CCSER1: variants seen among roughly 807,000 people sequenced by gnomAD.
The protein encoded by CCSER1 is coiled-coil serine rich protein 1, also known as serine-rich coiled-coil domain-containing protein 1.
Under a neutral mutation model 82.0 loss-of-function variants are expected in CCSER1, and 41 were observed. The ratio of observed to expected loss-of-function variants is 0.50; its 90% confidence interval spans 0.39 to 0.65. The LOEUF (loss-of-function observed/expected upper bound fraction) is 0.65, where lower values mean the gene tolerates loss of function less well. Among genes scored for constraint, CCSER1 ranks in the 30% least tolerant of loss-of-function variants. CCSER1 has a pLI of 0.00. For synonymous variants in CCSER1, 414 were observed against 383.9 expected (o/e 1.08, Z -0.92); for missense variants, 1,119 against 1,064.2 (o/e 1.05, Z -0.72).
chr4:91,519,918 T>A (rs1310261437), intron 10 of CCSER1, among the ~76,000 whole-genome samples: 1 of 152,242 alleles, frequency 6.6e-6, no homozygotes, highest in Non-Finnish European at 1.5e-5. Flanking sequence ...TTCCCTCTAG[T>A]CAGCCATCTT....
intron 8 of CCSER1, among the ~76,000 whole-genome samples, chr4:90,906,703 C>A (rs770147139): frequency 6.6e-6 from 1 of 151,900 alleles, no homozygotes; most frequent in Non-Finnish European, 1.5e-5. Context: ...CAAGTTAAAG[C>A]TGGAAAAATC....
intron 10 of CCSER1, among the ~76,000 whole-genome samples, chr4:91,118,207 AAAT>A (rs1469529827): frequency 6.6e-6 from 1 of 152,136 alleles, no homozygotes; most frequent in Non-Finnish European, 1.5e-5. Context: ...AGAAAATATT[AAAT>A]AATAATCTAA....
At chr4:91,025,558 C>T (rs1740414844) in intron 9 of CCSER1, among the ~76,000 whole-genome samples, 1 of 152,084 alleles carries the variant, frequency 6.6e-6, no homozygotes, top group Non-Finnish European at 1.5e-5. Flanking sequence ...TAACTGATAA[C>T]AGTAGCAAAT....
chr4:91,103,158 T>C (rs1369468088), intron 10 of CCSER1, among the ~76,000 whole-genome samples: 1 of 152,204 alleles, frequency 6.6e-6, no homozygotes, highest in African/African-American at 2.4e-5. Context: ...TCCAAATTTC[T>C]TCCCATTCCT....
At chr4:90,778,951 T>C (rs966510270) in intron 7 of CCSER1, among the ~76,000 whole-genome samples, 1 of 152,156 alleles carries the variant, frequency 6.6e-6, no homozygotes, top group Non-Finnish European at 1.5e-5. Flanking sequence ...ACTACTATCA[T>C]CCTAGTTAAA....
At chr4:91,364,361 T>C (rs1203501144) in intron 10 of CCSER1, among the ~76,000 whole-genome samples, 4 of 152,164 alleles carry the variant, frequency 2.6e-5, no homozygotes, top group Non-Finnish European at 5.9e-5. Context: ...ATTTTAGTAC[T>C]TTACATAAAA....
chr4:90,435,734 T>C (rs966034598), intron 4 of CCSER1, among the ~76,000 whole-genome samples: 23 of 152,254 alleles, frequency 1.5e-4, no homozygotes, highest in South Asian at 4.1e-4. Flanking sequence ...TCACCTAAGC[T>C]GTGTAATACA....
At chr4:90,717,051 T>C (rs1466583802) in intron 6 of CCSER1, among the ~76,000 whole-genome samples, 2 of 152,204 alleles carry the variant, frequency 1.3e-5, no homozygotes, top group African/African-American at 2.4e-5. Flanking sequence ...CACGTTCTTA[T>C]GACCTCTGGT....
chr4:91,594,384 CATATATACATAT>C (rs1560788525), intron 10 of CCSER1, among the ~76,000 whole-genome samples: 1 of 132,902 alleles, frequency 7.5e-6, no homozygotes, highest in Non-Finnish European at 1.7e-5. Flanking sequence ...TATATACACA[CATATATACATAT>C]ATACACATAT....
At chr4:91,371,198 A>C (rs1750019210) in intron 10 of CCSER1, among the ~76,000 whole-genome samples, 1 of 152,146 alleles carries the variant, frequency 6.6e-6, no homozygotes, top group Non-Finnish European at 1.5e-5. Context: ...ATAAATTATT[A>C]TTGACTGTAA....
At chr4:91,193,733 T>G (rs1292680022) in intron 10 of CCSER1, among the ~76,000 whole-genome samples, 1 of 152,230 alleles carries the variant, frequency 6.6e-6, no homozygotes, top group Non-Finnish European at 1.5e-5. Context: ...TGTCATTCTT[T>G]TCATGTCCTG....
intron 10 of CCSER1, among the ~76,000 whole-genome samples, chr4:91,349,413 T>G (rs887579140): frequency 1.4e-4 from 14 of 102,046 alleles, no homozygotes; most frequent in Non-Finnish European, 3.8e-5. Flanking sequence ...TTCAGTTGTA[T>G]TCTCCTGATG....
intron 10 of CCSER1, among the ~76,000 whole-genome samples, chr4:91,312,920 C>T (rs529034337): frequency 2.6e-5 from 4 of 151,888 alleles, no homozygotes; most frequent in Non-Finnish European, 5.9e-5. Flanking sequence ...TGGTAACTCC[C>T]GTCTAGTAAA....
chr4:90,456,778 C>G (rs555056553), intron 4 of CCSER1, among the ~76,000 whole-genome samples: 2 of 152,260 alleles, frequency 1.3e-5, no homozygotes, highest in South Asian at 4.1e-4. Flanking sequence ...TAGGGATTCC[C>G]CAAAAAAGGA....
chr4:90,161,419 A>G (rs1019032931), intron 1 of CCSER1, among the ~76,000 whole-genome samples: 1 of 152,158 alleles, frequency 6.6e-6, no homozygotes, highest in Non-Finnish European at 1.5e-5. Context: ...CGAAAATGAA[A>G]TATAGAATTT....
intron 10 of CCSER1, among the ~76,000 whole-genome samples, chr4:91,587,803 G>A (rs1333744942): frequency 1.3e-5 from 2 of 151,566 alleles, no homozygotes; most frequent in African/African-American, 4.8e-5. Context: ...TCTTGAATTG[G>A]TTGTTGCCTT....
At chr4:90,497,780 T>G (rs893462134) in intron 5 of CCSER1, among the ~76,000 whole-genome samples, 12 of 152,198 alleles carry the variant, frequency 7.9e-5, no homozygotes, top group African/African-American at 2.7e-4. Flanking sequence ...TGGTTCTGTT[T>G]TGCTTGTCTG....
rs184364735 is a variant in CCSER1, at chr4:91,047,853, G to A, written c.2173-38097G>A. Among the ~76,000 whole-genome samples the A allele has an allele frequency of 6.0e-3, 915 of 152,120 alleles. 9 individuals carry two copies. Among genetic ancestry groups the A allele is most frequent in the African/African-American group, 0.021 (868 of 41,506 alleles). The stretch of plus-strand genomic sequence containing the variant: ...CCAGAAAATAAGTTCAAATCCTCAA[G>A]AATCTTAAAGTTTCTTAAAGTAATG... On this transcript the variant is annotated intron_variant, in intron 9 of 10. Coordinates refer to ENST00000509176, the MANE Select transcript of CCSER1 (RefSeq NM_001145065.2).
At chr4:91,372,730 T>C (rs1365291793) in intron 10 of CCSER1, among the ~76,000 whole-genome samples, 2 of 152,152 alleles carry the variant, frequency 1.3e-5, no homozygotes, top group Non-Finnish European at 2.9e-5. Flanking sequence ...AATATAATAA[T>C]ACAAGATGAA....
Sources: allele counts gnomAD v4.1 joint callset (sites outside exome capture counted in the v4.1 genomes callset), GRCh38; gene constraint gnomAD v4.1.1; transcripts MANE v1.5; gene names NCBI Gene and HGNC (gene_info 2026-07-23, HGNC 2026-07-21).